Variants in DLEC1 observed in about 807,000 individuals in gnomAD.
DLEC1 encodes the protein deleted in lung and esophageal cancer protein 1.
A neutral mutation model predicts 198.1 loss-of-function variants in DLEC1; 146 were observed. The ratio of observed to expected loss-of-function variants is 0.74; its 90% CI spans 0.64 to 0.85. DLEC1 has a LOEUF of 0.85. Among genes scored for constraint, DLEC1 ranks in the 40% least tolerant of loss-of-function variants. The pLI, the probability that DLEC1 is intolerant of heterozygous loss-of-function variation, is 0.00. For synonymous variants in DLEC1, 897 were observed against 866.8 expected (o/e 1.03, Z -0.61); for missense variants, 2,233 against 2,220.0 (o/e 1.01, Z -0.12).
chr3:38,063,703 A>G, intron 5 of DLEC1, 138 bp from the exon 6 acceptor site: 1 of 606,312 alleles, frequency 1.6e-6, no homozygotes. Flanking sequence ...AGATCCAAAA[A>G]CCCCCCAACA....
chr3:38,041,847 CAAAAAAAAAAA>C (rs751455053), intron 1 of DLEC1, among the ~76,000 whole-genome samples: 1 of 71,682 alleles, frequency 1.4e-5, no homozygotes, highest in Non-Finnish European at 2.9e-5. Flanking sequence ...GACTCCGTTT[CAAAAAAAAAAA>C]AAAAAAAAGA....
rs3805039 is a variant in DLEC1, at chr3:38,049,271, A to G, written c.562+3578A>G. On this transcript the variant is annotated intron_variant, in intron 2 of 36. Transcript: ENST00000308059. The stretch of plus-strand genomic sequence containing the variant: ...TAAGAAGTGAAGAAGTAGACACACT[A>G]ATCCAGTTCCATGGATACCCCTCTG... Among the ~76,000 whole-genome samples the G allele has an allele frequency of 7.0e-4, 106 of 152,272 alleles. 3 individuals carry two copies. In the East Asian group the frequency reaches 0.014, roughly 20 times the overall value.
At position 38,112,390 on chromosome 3, in the gene DLEC1, G is replaced by A. The variant is rs771176432; in HGVS notation, c.3666+29G>A. On this transcript the variant is annotated intron_variant, in intron 25 of 36. Transcript: ENST00000308059. This position sits in a 1 kb window ranked among gnomAD's most constrained non-coding sequence, Gnocchi z 4.8. ...AGGGTACACAAGAGGGCAGTGGCCT[G>A]GGGGGTGGAGAGTCTGCCCAGCCCT... The A allele has an allele frequency of 5.9e-5, 95 of 1,607,720 alleles. 1 individual carries two copies. Among genetic ancestry groups the A allele is most frequent in the Non-Finnish European group, 2.7e-5 (32 of 1,175,078 alleles).
intron 27 of DLEC1, 44 bp downstream of exon 27, chr3:38,115,097 T>A (rs1221212089): frequency 6.2e-7 from 1 of 1,605,030 alleles, no homozygotes; most frequent in Non-Finnish European, 8.5e-7. Flanking sequence ...CCACAGGCTG[T>A]GCCTTGTGGT....
rs573898622 is a variant in DLEC1 at position 38,121,157 on chromosome 3, C to A, written c.4867-471C>A. On this transcript the variant is annotated intron_variant, in intron 34 of 36. Transcript: ENST00000308059. ...GTGGAGCCGAGGCGCTCTAGCCTGG[C>A]ACCTGGGCAGCTGCTGGGGCTGAGG... Among the ~76,000 whole-genome samples the A allele has an allele frequency of 2.0e-5, 3 of 152,282 alleles. No individual in the cohort carries two copies. The East Asian group carries it at 5.8e-4, about 29-fold the overall frequency.
chr3:38,065,360 T>C (rs9756569), intron 6 of DLEC1, among the ~76,000 whole-genome samples: 60,102 of 148,256 alleles, frequency 0.41, 12,305 homozygotes, highest in East Asian at 0.6. Flanking sequence ...AGAGGGAGAC[T>C]GTGCAGAGGG....
Position 38,123,109 on chromosome 3 carries a change from C to T in DLEC1, c.*697C>T. 6.2e-7 allele frequency: 1 copy of T among 1,614,168 alleles called. No homozygotes were observed. The highest frequency in any genetic ancestry group is 1.1e-5 in the South Asian group (1 of 91,086). On this transcript the variant is annotated 3_prime_UTR_variant, in exon 37 of 37. Transcript: ENST00000308059. ...ATTCCAGTCCCGATGCACATGGACACCACTCCGTATGCCCTGTGAAAACAA... is the reference window on the plus strand; with the variant it reads ...ATTCCAGTCCCGATGCACATGGACATCACTCCGTATGCCCTGTGAAAACAA...
chr3:38,055,444 G>A (rs567747033), intron 2 of DLEC1, among the ~76,000 whole-genome samples: 3 of 152,326 alleles, frequency 2.0e-5, no homozygotes, highest in African/African-American at 4.8e-5. Flanking sequence ...AGTGGGAGCC[G>A]GAAGCCATGT....
rs531670768 is a variant in DLEC1, at chr3:38,088,801, T to G, written c.1665+413T>G. Among the ~76,000 whole-genome samples, 4 of 152,148 alleles carry G rather than the reference T, an allele frequency of 2.6e-5. No individual in the cohort carries two copies. In the East Asian group the frequency reaches 7.7e-4, roughly 29 times the overall value. ...CTCACTTTCCTGCTTCATCCTCAGTTTGTATAGTCAGCAAGGCCCAACTCC... is the reference window on the plus strand; with the variant it reads ...CTCACTTTCCTGCTTCATCCTCAGTGTGTATAGTCAGCAAGGCCCAACTCC... On this transcript the variant is annotated intron_variant, in intron 10 of 36. Transcript: ENST00000308059.
chr3:38,105,431 T>A (rs1256304358), intron 19 of DLEC1, among the ~76,000 whole-genome samples: 1 of 152,192 alleles, frequency 6.6e-6, no homozygotes, highest in Non-Finnish European at 1.5e-5. Flanking sequence ...AGTTTTTGCT[T>A]CATGTATTTT....
At chr3:38,091,539 G>C (rs1171287961) in intron 10 of DLEC1, among the ~76,000 whole-genome samples, 1 of 152,080 alleles carries the variant, frequency 6.6e-6, no homozygotes, top group African/African-American at 2.4e-5. Flanking sequence ...AAACGAAAAA[G>C]CTTCTACACA....
intron 19 of DLEC1, among the ~76,000 whole-genome samples, chr3:38,107,242 C>T (rs967870256): frequency 1.3e-5 from 2 of 152,098 alleles, no homozygotes; most frequent in Admixed American, 6.5e-5. Flanking sequence ...TTCTGAAATA[C>T]GCCCAGAGGA....
rs1317817878 is a variant in DLEC1, at chr3:38,093,715, C to T, written c.1867C>T (p.Pro623Ser). 6.2e-7 allele frequency: 1 copy of T among 1,614,230 alleles called. No homozygotes were observed. The highest frequency in any genetic ancestry group is 8.5e-7 in the Non-Finnish European group (1 of 1,180,042). Residue 623 changes from proline (P) to serine (S), a missense_variant, in exon 12 of 37, where the codon CCT becomes TCT. By Grantham distance (74) the Pro-to-Ser change is moderately conservative. Transcript: ENST00000308059. ...LTAQHFIRFE[P>S]ENLRSTARKQ... ...AGCCCAGCACTTCATACGATTTGAG[C>T]CTGAAAACCTTCGGTCCACGGCTAG...
At chr3:38,109,802 G>A in intron 22 of DLEC1, 3 of 753,608 alleles carry the variant, frequency 4.0e-6, no homozygotes, top group Non-Finnish European at 6.3e-6. Context: ...TGGCAGGCAG[G>A]AGATGGCAGG....
In DLEC1 at chr3:38,122,787, T is replaced by C. The variant is rs1443709733; in HGVS notation, c.*375T>C. On this transcript the variant is annotated 3_prime_UTR_variant, in exon 37 of 37. Transcript: ENST00000308059. The stretch of plus-strand genomic sequence containing the variant: ...TTTGCCTTGCCTTAAGAATTAACCA[T>C]GGCCTTGTGGCCTGGGTGACCCAGG... The C allele has an allele frequency of 4.6e-6, 5 of 1,090,590 alleles. No individual in the cohort carries two copies. The East Asian group carries it at 1.1e-4, about 24-fold the overall frequency. The allele number at this position is 1,090,590 out of a possible 1,614,324, so 67.6% of individuals were successfully genotyped here.
intron 6 of DLEC1, among the ~76,000 whole-genome samples, chr3:38,081,553 C>G: frequency 9.9e-6 from 1 of 101,348 alleles, no homozygotes; most frequent in South Asian, 2.9e-4. Context: ...CCGGATGGGG[C>G]GGCTGGCCGG....
Position 38,097,580 on chromosome 3 carries a change from G to A in DLEC1, c.2508G>A (p.Leu836=). 4 of 1,614,208 alleles carry A rather than the reference G, an allele frequency of 2.5e-6. No homozygotes were observed. Among genetic ancestry groups the A allele is most frequent in the Non-Finnish European group, 3.4e-6 (4 of 1,180,032 alleles). Residue 836 remains leucine, a synonymous_variant, in exon 17 of 37, where the codon CTG becomes CTA. Transcript: ENST00000308059. ...GVPGPTSQDL[L]CEIEDSPSPV... ...CTGGCCCCACAAGCCAGGACCTGCT[G>A]TGTGAAATCGAAGACTCGCCCTCGC...
intron 14 of DLEC1, among the ~76,000 whole-genome samples, chr3:38,096,234 G>A (rs1265952126): frequency 1.3e-5 from 2 of 152,186 alleles, no homozygotes; most frequent in Non-Finnish European, 2.9e-5. Context: ...CGGTGGTGGT[G>A]AGTGTGGAGG....
chr3:38,092,719 A>G (rs1185174238), intron 10 of DLEC1, 71 bp from the exon 11 acceptor site: 37 of 1,294,652 alleles, frequency 2.9e-5, no homozygotes, highest in Non-Finnish European at 4.0e-5. Context: ...GTCCGAGAGG[A>G]GGAGGGTGGG....
Sources: allele counts gnomAD v4.1 joint callset (sites outside exome capture counted in the v4.1 genomes callset), GRCh38; gene constraint gnomAD v4.1.1; non-coding constraint Gnocchi (gnomAD v3.1); transcripts MANE v1.5; gene names NCBI Gene and HGNC (gene_info 2026-07-23, HGNC 2026-07-21).